Variants in PHF21B observed in about 807,000 individuals in gnomAD.
The protein encoded by PHF21B is PHD finger protein 21B.
PHF21B carries 22 observed loss-of-function variants against 62.2 expected under a neutral mutation model. The observed-to-expected ratio is 0.35, with a 90% CI of 0.25 to 0.51. PHF21B has a LOEUF of 0.51. PHF21B is among the 20% of genes least tolerant of loss of function. PHF21B has a pLI of 0.97. For synonymous variants in PHF21B, 341 were observed against 314.7 expected (o/e 1.08, Z -0.88); for missense variants, 701 against 707.9 (o/e 0.99, Z 0.11).
chr22:44,882,971 G>T lies in PHF21B; in HGVS notation c.*115C>A. The T allele has an allele frequency of 1.6e-6, 2 of 1,245,160 alleles. No individual in the cohort carries two copies. Among genetic ancestry groups the T allele is most frequent in the Admixed American group, 4.4e-5 (2 of 45,090 alleles). 77.1% of individuals were successfully genotyped at this position (1,245,160 alleles called of 1,614,324 possible). A position where few individuals can be genotyped will look rare whatever the true frequency, so the allele number is the denominator to read the frequency against. ...TCTTCCTCCCTCCTCTCCTCTGTCT[G>T]GTTAATTTTTGTCTGAAATTCATAG... On this transcript the variant is annotated 3_prime_UTR_variant, in exon 13 of 13. Coordinates refer to ENST00000313237, the MANE Select transcript of PHF21B (RefSeq NM_138415.5).
intron 11 of PHF21B, 46 bp downstream of exon 11, chr22:44,885,817 A>C: frequency 4.4e-6 from 7 of 1,575,480 alleles, no homozygotes; most frequent in Non-Finnish European, 6.1e-6. Flanking sequence ...TGGGTGGGGG[A>C]GGAGGGGGAG....
rs893037488 is a variant in PHF21B, at chr22:44,882,912, C to A, written c.*174G>T. ...ATTTGGAGGGCACAGGGCCGCACCC[C>A]CACCTGGTCCTGGCTCTAGGCCTCT... On this transcript the variant is annotated 3_prime_UTR_variant, in exon 13 of 13. Transcript: ENST00000313237. 8 of 774,852 alleles carry A rather than the reference C, an allele frequency of 1.0e-5. No individual in the cohort carries two copies. Among genetic ancestry groups the A allele is most frequent in the Middle Eastern group, 3.9e-4 (1 of 2,546 alleles). 48.0% of individuals were successfully genotyped at this position (774,852 alleles called of 1,614,324 possible).
intron 7 of PHF21B, 63 bp downstream of exon 7, chr22:44,893,394 C>T: frequency 1.3e-6 from 2 of 1,507,916 alleles, no homozygotes; most frequent in Non-Finnish European, 1.8e-6. Flanking sequence ...TGGGACTTTT[C>T]CTGGAGGCTG....
At chr22:44,900,553 G>A (rs1478809676) in intron 5 of PHF21B, among the ~76,000 whole-genome samples, 4 of 152,128 alleles carry the variant, frequency 2.6e-5, no homozygotes, top group South Asian at 2.1e-4. Context: ...CACCCGCCTC[G>A]GCCTCCTAAA....
Position 44,885,544 on chromosome 22 carries a change from GC to G in PHF21B, c.1274-16del. The stretch of plus-strand genomic sequence containing the variant: ...CTCTTCTTTGACTAGAAAAGAGAAG[GC>G]CAGGTCCCTGGAGAGGGGCAGGTAA... On this transcript the variant is annotated splice_polypyrimidine_tract_variant and intron_variant, in intron 11 of 12. Coordinates refer to ENST00000313237, the MANE Select transcript of PHF21B (RefSeq NM_138415.5). 1 of 1,574,528 alleles carries G rather than the reference GC, an allele frequency of 6.4e-7. No individual in the cohort carries two copies. Among genetic ancestry groups the G allele is most frequent in the African/African-American group, 1.3e-5 (1 of 74,316 alleles).
At chr22:44,916,793 A>T (rs6519903) in intron 3 of PHF21B, among the ~76,000 whole-genome samples, 163 bp from the exon 4 acceptor site, 23,003 of 152,168 alleles carry the variant, frequency 0.15, 2,349 homozygotes, top group African/African-American at 0.29. Context: ...CTCGACCCCA[A>T]TGCCTCCCTC....
intron 2 of PHF21B, among the ~76,000 whole-genome samples, chr22:44,975,635 G>C (rs937338201): frequency 2.0e-5 from 3 of 152,216 alleles, no homozygotes; most frequent in Non-Finnish European, 4.4e-5. Flanking sequence ...AAGGCAGGAG[G>C]GAACCCAGGC....
chr22:44,914,900 T>C (rs1383560987), intron 4 of PHF21B, among the ~76,000 whole-genome samples: 3 of 152,194 alleles, frequency 2.0e-5, no homozygotes, highest in African/African-American at 4.8e-5. Context: ...TTTTATTTCT[T>C]TGGACAGGAA....
chr22:44,912,058 C>T (rs1198161524), intron 5 of PHF21B, among the ~76,000 whole-genome samples: 1 of 152,238 alleles, frequency 6.6e-6, no homozygotes, highest in Non-Finnish European at 1.5e-5. Flanking sequence ...AACTGCCCCA[C>T]CAGATTTCGG....
rs759988354 is a variant in PHF21B, at chr22:45,008,495, C to A, written c.120+50G>T. The stretch of plus-strand genomic sequence containing the variant: ...CTTTTTAGGGCGCCGCCAAAGTGCC[C>A]AGCCACCCTCCCGCCCCATCCCAGG... On this transcript the variant is annotated intron_variant, in intron 2 of 12. Transcript: ENST00000313237. 2.7e-6 allele frequency: 4 copies of A among 1,480,518 alleles called. 1 individual carries two copies. The South Asian group carries it at 5.1e-5, about 19-fold the overall frequency. 91.7% of individuals were successfully genotyped at this position (1,480,518 alleles called of 1,614,324 possible).
At chr22:44,963,299 G>A (rs985271777) in intron 2 of PHF21B, among the ~76,000 whole-genome samples, 19 of 152,292 alleles carry the variant, frequency 1.2e-4, no homozygotes, top group Admixed American at 5.9e-4. Context: ...CCACTGCAGC[G>A]GCCCCGAGCG....
intron 2 of PHF21B, among the ~76,000 whole-genome samples, chr22:44,942,975 C>T (rs868467861): frequency 2.1e-5 from 3 of 140,876 alleles, no homozygotes; most frequent in Non-Finnish European, 3.1e-5. Flanking sequence ...GACCCACAGG[C>T]GGACCCCCAG....
At chr22:44,992,786 T>C (rs1333610478) in intron 2 of PHF21B, among the ~76,000 whole-genome samples, 2 of 152,174 alleles carry the variant, frequency 1.3e-5, no homozygotes, top group African/African-American at 4.8e-5. Context: ...AGTGGCGACC[T>C]GACGCTGACC....
intron 5 of PHF21B, among the ~76,000 whole-genome samples, chr22:44,911,973 G>A (rs2071351549): frequency 6.6e-6 from 1 of 152,260 alleles, no homozygotes; most frequent in African/African-American, 2.4e-5. Flanking sequence ...GGCTGTGGAA[G>A]CCCAGCTCTT....
intron 2 of PHF21B, among the ~76,000 whole-genome samples, chr22:44,982,390 C>A (rs1241850815): frequency 6.6e-6 from 1 of 152,214 alleles, no homozygotes; most frequent in East Asian, 1.9e-4. Flanking sequence ...CTACGTGCAA[C>A]CCTGGGGAGC....
chr22:44,885,414 C>A lies in PHF21B; in HGVS notation c.1377+12G>T, dbSNP rs767515403. ...GGGCTGAGGCCAGCCTCCCCCAGGC[C>A]CCGGGGCACACCTGCACTGCTGACG... On this transcript the variant is annotated intron_variant, in intron 12 of 12. Transcript: ENST00000313237. 6.4e-7 allele frequency: 1 copy of A among 1,563,928 alleles called. No individual in the cohort carries two copies. Among genetic ancestry groups the A allele is most frequent in the South Asian group, 1.2e-5 (1 of 85,710 alleles).
intron 7 of PHF21B, among the ~76,000 whole-genome samples, chr22:44,892,605 C>T (rs907757931): frequency 5.3e-5 from 8 of 152,208 alleles, no homozygotes; most frequent in Non-Finnish European, 1.2e-4. Context: ...CGGGGGACAT[C>T]GTTTCCCTCA....
chr22:44,931,663 G>A lies in PHF21B; in HGVS notation c.121-11173C>T, dbSNP rs142717036. 2.6e-3 allele frequency among the ~76,000 whole-genome samples: 395 copies of A among 151,954 alleles called. 2 individuals are homozygous for A. Among genetic ancestry groups the A allele is most frequent in the African/African-American group, 8.9e-3 (366 of 41,334 alleles). ...CTTGGGGGGGGGGTGTCAAAAAATG[G>A]TTGTGAGGTCCCCCGTGACCACAGG... On this transcript the variant is annotated intron_variant, in intron 2 of 12. Coordinates refer to ENST00000313237, the MANE Select transcript of PHF21B (RefSeq NM_138415.5).
intron 2 of PHF21B, among the ~76,000 whole-genome samples, chr22:44,983,233 CAAAAAAAAAAA>C (rs59497234): frequency 6.7e-6 from 1 of 149,218 alleles, no homozygotes; most frequent in African/African-American, 2.5e-5. Context: ...GACTCTGTCT[CAAAAAAAAAAA>C]AAAAAAAAGG....
Sources: gnomAD v4.1 joint callset for allele counts (sites outside exome capture counted in the v4.1 genomes callset) on GRCh38, gnomAD v4.1.1 for gene constraint, MANE v1.5 for transcripts, NCBI Gene and HGNC (gene_info 2026-07-23, HGNC 2026-07-21) for gene names.